IQCJ: variants seen among roughly 807,000 people sequenced by gnomAD.
IQCJ encodes the protein IQ motif containing J.
Under a neutral mutation model 11.0 loss-of-function variants are expected in IQCJ, and 9 were observed. The ratio of observed to expected loss-of-function variants is 0.82; its 90% CI spans 0.49 to 1.43. The LOEUF is 1.43. Ranked by LOEUF, IQCJ falls within the 40% of genes most tolerant of loss-of-function variation. The probability of loss-of-function intolerance (pLI) is 0.00; values close to 1 mark genes in which losing one functional copy is unlikely to be tolerated. For missense variants in IQCJ, 146 were observed against 133.2 expected (o/e 1.10, Z -0.47); for synonymous variants, 55 against 51.3 (o/e 1.07, Z -0.31).
intron 1 of IQCJ, among the ~76,000 whole-genome samples, chr3:159,244,654 T>A (rs539110255): frequency 6.6e-6 from 1 of 152,250 alleles, no homozygotes; most frequent in East Asian, 1.9e-4. Context: ...GATGACAGAC[T>A]GTAAAGGACC....
At chr3:159,265,335 C>A (rs563883596), downstream of IQCJ, 24 of 1,613,770 alleles carry the variant, frequency 1.5e-5, no homozygotes, top group South Asian at 2.4e-4. Flanking sequence ...GCTTGCCAGA[C>A]CCACTGGGTT....
At chr3:159,139,143 C>CG (rs1720459468) in intron 1 of IQCJ, among the ~76,000 whole-genome samples, 1 of 151,704 alleles carries the variant, frequency 6.6e-6, no homozygotes, top group African/African-American at 2.4e-5. Flanking sequence ...AATCAAGGAC[C>CG]ATTTTTTTTT....
chr3:159,198,121 G>T (rs1724099072), intron 1 of IQCJ, among the ~76,000 whole-genome samples: 1 of 152,142 alleles, frequency 6.6e-6, no homozygotes, highest in Non-Finnish European at 1.5e-5. Context: ...TCTGAAATGA[G>T]CCTTTATCCT....
chr3:159,141,700 T>G (rs1720613385), intron 1 of IQCJ, among the ~76,000 whole-genome samples: 1 of 152,254 alleles, frequency 6.6e-6, no homozygotes, highest in Non-Finnish European at 1.5e-5. Context: ...AAGTTAGATG[T>G]ATGATTTTGA....
At chr3:159,186,573 C>T (rs1008573433) in intron 1 of IQCJ, among the ~76,000 whole-genome samples, 1 of 152,132 alleles carries the variant, frequency 6.6e-6, no homozygotes, top group Non-Finnish European at 1.5e-5. Flanking sequence ...TCAATCACCC[C>T]ACATGCTCTA....
intron 1 of IQCJ, among the ~76,000 whole-genome samples, chr3:159,165,494 G>T (rs933529507): frequency 6.6e-6 from 1 of 152,142 alleles, no homozygotes; most frequent in Non-Finnish European, 1.5e-5. Context: ...TGTATTCTCT[G>T]TGAACATAAA....
At chr3:159,234,216 G>T (rs1388989319) in intron 1 of IQCJ, among the ~76,000 whole-genome samples, 2 of 152,248 alleles carry the variant, frequency 1.3e-5, no homozygotes, top group East Asian at 3.9e-4. Flanking sequence ...GGCATATTTT[G>T]CTATTTTTAT....
chr3:159,078,953 C>A (rs953281266), intron 1 of IQCJ, among the ~76,000 whole-genome samples: 1 of 152,022 alleles, frequency 6.6e-6, no homozygotes, highest in African/African-American at 2.4e-5. Context: ...AATAAACACC[C>A]ATGGCAATAA....
At chr3:159,101,207 A>C (rs1430809102) in intron 1 of IQCJ, among the ~76,000 whole-genome samples, 2 of 147,878 alleles carry the variant, frequency 1.4e-5, no homozygotes, top group Non-Finnish European at 3.0e-5. Context: ...AGGTGAGGCA[A>C]TGCCTCGCCC....
At chr3:159,261,284 A>T (rs1728187834) in intron 3 of IQCJ, among the ~76,000 whole-genome samples, 2 of 152,196 alleles carry the variant, frequency 1.3e-5, no homozygotes, top group South Asian at 4.1e-4. Flanking sequence ...CTGAATCCTA[A>T]CAACTAGTCC....
chr3:159,201,862 C>T (rs1724366615), intron 1 of IQCJ, among the ~76,000 whole-genome samples: 3 of 151,996 alleles, frequency 2.0e-5, no homozygotes, highest in African/African-American at 7.2e-5. Context: ...GTGAACAGGT[C>T]ACTTATTTAT....
intron 1 of IQCJ, among the ~76,000 whole-genome samples, chr3:159,142,407 T>C (rs532654894): frequency 2.5e-5 from 3 of 121,630 alleles, no homozygotes; most frequent in Non-Finnish European, 5.2e-5. Context: ...GTAAGTGCAC[T>C]GAGGGGCAGG....
At position 159,082,674 on chromosome 3, in the gene IQCJ, A is replaced by C. The variant is rs568485035; in HGVS notation, c.9+13233A>C. Among the ~76,000 whole-genome samples, 9 of 152,162 alleles carry C rather than the reference A, an allele frequency of 5.9e-5. No individual in the cohort carries two copies. The East Asian group carries it at 1.6e-3, about 26-fold the overall frequency. On this transcript the variant is annotated intron_variant, in intron 1 of 3. Coordinates refer to ENST00000397832, the MANE Select transcript of IQCJ (RefSeq NM_001042706.3). The stretch of plus-strand genomic sequence containing the variant: ...AGGGAAGCTGTGGTTGGGTTGTCTA[A>C]ATGGTGTATGCCCAGCTAAAGGGCT...
At chr3:159,242,517 A>G (rs1354709554) in intron 1 of IQCJ, among the ~76,000 whole-genome samples, 1 of 151,346 alleles carries the variant, frequency 6.6e-6, no homozygotes, top group African/African-American at 2.4e-5. Flanking sequence ...ACTATGATCC[A>G]GGCAGGAAGA....
At chr3:159,084,850 T>A (rs553490091) in intron 1 of IQCJ, among the ~76,000 whole-genome samples, 72 of 152,152 alleles carry the variant, frequency 4.7e-4, no homozygotes, top group African/African-American at 1.7e-3. Flanking sequence ...TTTACTCTAG[T>A]CCTGTCTTTC....
rs552407257 is a variant in IQCJ at position 159,156,152 on chromosome 3, C to A, written c.9+86711C>A. 3.3e-5 allele frequency among the ~76,000 whole-genome samples: 5 copies of A among 152,316 alleles called. No homozygotes were observed. In the East Asian group the frequency reaches 9.6e-4, roughly 29 times the overall value. On this transcript the variant is annotated intron_variant, in intron 1 of 3. Coordinates refer to ENST00000397832, the MANE Select transcript of IQCJ (RefSeq NM_001042706.3). ...TTATCTAATCCCTACATGTTTTCAT[C>A]AAATATTTCTTAAGCCCTGCTATGT...
At chr3:159,215,269 T>C (rs1016162947) in intron 1 of IQCJ, among the ~76,000 whole-genome samples, 4 of 152,168 alleles carry the variant, frequency 2.6e-5, no homozygotes, top group Non-Finnish European at 4.4e-5. Context: ...GTCCTGTTTT[T>C]CAGATTCCTC....
At chr3:159,265,575 T>G (rs142555209), downstream of IQCJ, 450 of 516,594 alleles carry the variant, frequency 8.7e-4, 9 homozygotes, top group East Asian at 0.011. Flanking sequence ...GGGGAGTTCT[T>G]TATGCCCTGC....
intron 1 of IQCJ, among the ~76,000 whole-genome samples, chr3:159,091,888 T>C (rs1472367371): frequency 4.0e-5 from 6 of 151,698 alleles, no homozygotes; most frequent in South Asian, 2.1e-4. Flanking sequence ...CTATGCTTCA[T>C]AGAATTTCAG....
Sources: gnomAD v4.1 joint callset for allele counts (sites outside exome capture counted in the v4.1 genomes callset) on GRCh38, gnomAD v4.1.1 for gene constraint, MANE v1.5 for transcripts, NCBI Gene and HGNC (gene_info 2026-07-23, HGNC 2026-07-21) for gene names.